Variants in PHACTR1 observed in about 807,000 individuals in gnomAD.
PHACTR1 encodes RPEL repeat containing 1.
A neutral mutation model predicts 69.2 loss-of-function variants in PHACTR1; 16 were observed. That is an observed-to-expected ratio of 0.23 (90% CI 0.16 to 0.35). PHACTR1 has a LOEUF of 0.35. PHACTR1 is among the 10% of genes least tolerant of loss of function. The probability of loss-of-function intolerance (pLI) is 1.00; values close to 1 mark genes in which losing one functional copy is unlikely to be tolerated. For missense variants in PHACTR1, 510 were observed against 734.7 expected (o/e 0.69, Z 3.54); for synonymous variants, 312 against 284.5 (o/e 1.10, Z -0.97).
intron 5 of PHACTR1, among the ~76,000 whole-genome samples, chr6:13,141,283 A>G (rs956925186): frequency 3.9e-5 from 6 of 152,150 alleles, no homozygotes. Flanking sequence ...GATCAACCCA[A>G]CTCAAATCAA....
At chr6:12,727,219 G>C (rs114329460) in intron 3 of PHACTR1, among the ~76,000 whole-genome samples, 156 of 152,272 alleles carry the variant, frequency 1.0e-3, no homozygotes, top group Non-Finnish European at 1.8e-3. Flanking sequence ...CAGGGAACAT[G>C]ATGGGTGAAA....
intron 3 of PHACTR1, among the ~76,000 whole-genome samples, chr6:12,721,316 G>A (rs753711225): frequency 2.0e-5 from 3 of 151,988 alleles, no homozygotes; most frequent in Non-Finnish European, 2.9e-5. Context: ...CCTGGGAGGC[G>A]GAGGTTGCAG....
At chr6:12,823,692 G>A (rs1180842321) in intron 4 of PHACTR1, among the ~76,000 whole-genome samples, 1 of 152,138 alleles carries the variant, frequency 6.6e-6, no homozygotes, top group Non-Finnish European at 1.5e-5. Context: ...ATCAGTTGGA[G>A]CTTCAGGTTC....
At chr6:13,121,604 A>C (rs1369479697) in intron 5 of PHACTR1, among the ~76,000 whole-genome samples, 1 of 152,172 alleles carries the variant, frequency 6.6e-6, no homozygotes, top group South Asian at 2.1e-4. Flanking sequence ...GATGAATGTG[A>C]ATTTATTCTA....
intron 4 of PHACTR1, among the ~76,000 whole-genome samples, chr6:12,905,593 G>A (rs1240632783): frequency 6.6e-6 from 1 of 152,112 alleles, no homozygotes; most frequent in African/African-American, 2.4e-5. Flanking sequence ...AGCAGGAGAG[G>A]GATAACTAAA....
At chr6:13,239,644 C>CACAGCCATCACAGGGACCT (rs1772528102) in intron 10 of PHACTR1, among the ~76,000 whole-genome samples, 5 of 152,210 alleles carry the variant, frequency 3.3e-5, no homozygotes, top group African/African-American at 1.2e-4. Context: ...AGCCATGGGT[C>CACAGCCATCACAGGGACCT]ACAGCCATCA....
intron 4 of PHACTR1, among the ~76,000 whole-genome samples, chr6:12,767,854 A>T (rs1265965461): frequency 2.0e-5 from 3 of 152,196 alleles, no homozygotes; most frequent in Non-Finnish European, 4.4e-5. Flanking sequence ...ACATTGATAA[A>T]TCTTGTTTAA....
intron 14 of PHACTR1, 63 bp downstream of exon 14, chr6:13,286,285 A>G (rs617580): frequency 0.32 from 434,861 of 1,355,104 alleles, 76,124 homozygotes; most frequent in African/African-American, 0.62. Flanking sequence ...ATCTCCAAAT[A>G]AAGCTCTCCC....
intron 4 of PHACTR1, among the ~76,000 whole-genome samples, chr6:12,972,930 C>T (rs1794412926): frequency 6.6e-6 from 1 of 152,150 alleles, no homozygotes; most frequent in Admixed American, 6.5e-5. Flanking sequence ...GGATTACAGA[C>T]GTGAGCCACC....
At chr6:12,986,999 C>T (rs1387680193) in intron 4 of PHACTR1, among the ~76,000 whole-genome samples, 2 of 152,138 alleles carry the variant, frequency 1.3e-5, no homozygotes, top group African/African-American at 4.8e-5. Context: ...AGACTGTCAT[C>T]TGTGCATTTT....
At chr6:13,027,226 G>C (rs1387003771) in intron 4 of PHACTR1, among the ~76,000 whole-genome samples, 1 of 152,172 alleles carries the variant, frequency 6.6e-6, no homozygotes, top group Admixed American at 6.5e-5. Flanking sequence ...AGGATATTCA[G>C]AGTCACTATT....
intron 4 of PHACTR1, among the ~76,000 whole-genome samples, chr6:12,811,604 C>T (rs180681361): frequency 6.6e-6 from 1 of 152,006 alleles, no homozygotes; most frequent in Non-Finnish European, 1.5e-5. Context: ...TTATTTCTTA[C>T]TTTCTATTCT....
At chr6:12,724,482 G>A (rs1762533389) in intron 3 of PHACTR1, among the ~76,000 whole-genome samples, 2 of 152,192 alleles carry the variant, frequency 1.3e-5, no homozygotes, top group Non-Finnish European at 2.9e-5. Context: ...GACTGATGAG[G>A]TGAAGTATCT....
rs576509242 is a variant in PHACTR1, at chr6:13,287,182, G to T, written c.*104G>T. On this transcript the variant is annotated 3_prime_UTR_variant, in exon 15 of 15. Transcript: ENST00000332995. ...TTCCCCATTACGATGTAAATCTTCTGAACTGCCTTTTTTTTAAAAAGAAGA... is the reference window on the plus strand; with the variant it reads ...TTCCCCATTACGATGTAAATCTTCTTAACTGCCTTTTTTTTAAAAAGAAGA... 4.4e-6 allele frequency: 5 copies of T among 1,136,374 alleles called. No individual in the cohort carries two copies. The Admixed American group carries it at 8.5e-5, about 19-fold the overall frequency. The allele number at this position is 1,136,374 out of a possible 1,614,324, so 70.4% of individuals were successfully genotyped here.
chr6:12,795,007 T>G (rs554987948), intron 4 of PHACTR1, among the ~76,000 whole-genome samples: 1 of 152,132 alleles, frequency 6.6e-6, no homozygotes, highest in Non-Finnish European at 1.5e-5. Flanking sequence ...GACTCTTGCT[T>G]CTTCTTAAAA....
At chr6:12,905,480 G>A (rs1431323212) in intron 4 of PHACTR1, among the ~76,000 whole-genome samples, 1 of 152,194 alleles carries the variant, frequency 6.6e-6, no homozygotes, top group Non-Finnish European at 1.5e-5. Context: ...GCTAGGAACT[G>A]TGCTATTCTT....
chr6:12,753,669 G>A (rs1386517189), intron 4 of PHACTR1, among the ~76,000 whole-genome samples: 1 of 152,106 alleles, frequency 6.6e-6, no homozygotes, highest in African/African-American at 2.4e-5. Flanking sequence ...ATCTGTTTTG[G>A]TTCTGGATGT....
At chr6:13,226,206 A>G (rs748149828) in intron 8 of PHACTR1, among the ~76,000 whole-genome samples, 8 of 152,236 alleles carry the variant, frequency 5.3e-5, no homozygotes, top group Non-Finnish European at 8.8e-5. Context: ...TGTGTTAACT[A>G]GATTTTTCCA....
chr6:12,958,408 G>C (rs1008641766), intron 4 of PHACTR1, among the ~76,000 whole-genome samples: 1 of 152,224 alleles, frequency 6.6e-6, no homozygotes, highest in African/African-American at 2.4e-5. Flanking sequence ...TGAATCCGCA[G>C]CTGTTATTTT....
Sources: allele counts gnomAD v4.1 joint callset (sites outside exome capture counted in the v4.1 genomes callset), GRCh38; gene constraint gnomAD v4.1.1; transcripts MANE v1.5; gene names NCBI Gene and HGNC (gene_info 2026-07-23, HGNC 2026-07-21).